APBA1: variants seen among roughly 807,000 people sequenced by gnomAD.
APBA1 encodes the protein amyloid beta precursor protein binding family A member 1.
In APBA1, 55 loss-of-function variants were observed where a neutral mutation model predicts 86.6. The ratio of observed to expected loss-of-function variants is 0.64; its 90% CI spans 0.51 to 0.80. APBA1 has a LOEUF of 0.80. APBA1 is among the 30% of genes least tolerant of loss of function. APBA1 has a pLI of 0.00. For missense variants in APBA1, 1,090 were observed against 1,183.0 expected (o/e 0.92, Z 1.15); for synonymous variants, 511 against 493.9 (o/e 1.03, Z -0.46).
At chr9:69,556,550 C>T (rs1487514645) in intron 1 of APBA1, among the ~76,000 whole-genome samples, 1 of 152,144 alleles carries the variant, frequency 6.6e-6, no homozygotes, top group African/African-American at 2.4e-5. Context: ...TGCCAAGGGA[C>T]CAATAGTTAG....
At chr9:69,521,481 TGAGCAAGCCAGAG>T (rs1235532216) in intron 1 of APBA1, among the ~76,000 whole-genome samples, 1 of 152,166 alleles carries the variant, frequency 6.6e-6, no homozygotes, top group African/African-American at 2.4e-5. Flanking sequence ...GGCAGAACAG[TGAGCAAGCCAGAG>T]GAGGCTTCCC....
At position 69,458,199 on chromosome 9, in the gene APBA1, T is replaced by C. The variant is rs746029274; in HGVS notation, c.1483-11A>G. ...TAATTTCTGGGCCATCTGCTTAGCA[T>C]GGAACAAACAGAGACAGGAGAATAG... On this transcript the variant is annotated splice_polypyrimidine_tract_variant and intron_variant, in intron 5 of 12. Transcript: ENST00000265381. The C allele has an allele frequency of 9.3e-6, 15 of 1,608,918 alleles. No homozygotes were observed. In the East Asian group the frequency reaches 3.1e-4, roughly 34 times the overall value.
intron 5 of APBA1, chr9:69,462,750 G>T (rs759920359): frequency 6.6e-6 from 1 of 152,220 alleles, no homozygotes; most frequent in Non-Finnish European, 1.5e-5. Context: ...GAGGAAAGAT[G>T]CTTCACACAC....
chr9:69,658,274 T>C (rs796840903), intron 1 of APBA1, among the ~76,000 whole-genome samples: 3,670 of 67,872 alleles, frequency 0.054, 186 homozygotes, highest in South Asian at 0.093. Context: ...CTTTCTTTCT[T>C]TCTTTCTTTC....
chr9:69,591,798 A>T (rs960168751), intron 1 of APBA1, among the ~76,000 whole-genome samples: 3 of 152,244 alleles, frequency 2.0e-5, no homozygotes, highest in Non-Finnish European at 4.4e-5. Context: ...CTTGAGAGAG[A>T]AATGCTTTTG....
chr9:69,450,814 C>T (rs1834994534), intron 9 of APBA1, among the ~76,000 whole-genome samples: 1 of 151,354 alleles, frequency 6.6e-6, no homozygotes, highest in South Asian at 2.1e-4. Context: ...GGTTGTCTGT[C>T]ATGGGTATCA....
chr9:69,594,311 C>T lies in APBA1; in HGVS notation c.-69-77032G>A, dbSNP rs549779971. Among the ~76,000 whole-genome samples the T allele has an allele frequency of 3.3e-5, 5 of 152,260 alleles. No homozygotes were observed. In the South Asian group the frequency reaches 6.2e-4, roughly 19 times the overall value. Reference sequence around the variant, plus strand: ...TGGGGCCCAAGAGTCTGCCAAGTGTCGCTGATGCTGCTGTTCTGCACAGCT... The same window carrying T: ...TGGGGCCCAAGAGTCTGCCAAGTGTTGCTGATGCTGCTGTTCTGCACAGCT... On this transcript the variant is annotated intron_variant, in intron 1 of 12. Coordinates refer to ENST00000265381, the MANE Select transcript of APBA1 (RefSeq NM_001163.4).
intron 1 of APBA1, among the ~76,000 whole-genome samples, chr9:69,533,754 C>T (rs1377382858): frequency 3.9e-5 from 6 of 152,174 alleles, no homozygotes; most frequent in African/African-American, 1.4e-4. Flanking sequence ...ACTATCAGTT[C>T]ACTGATGGAT....
At chr9:69,442,614 G>C (rs1213506433) in intron 10 of APBA1, among the ~76,000 whole-genome samples, 1 of 152,240 alleles carries the variant, frequency 6.6e-6, no homozygotes, top group African/African-American at 2.4e-5. Flanking sequence ...TCACAAGTGA[G>C]TGGGTCCAGT....
intron 1 of APBA1, among the ~76,000 whole-genome samples, chr9:69,565,184 C>T (rs1267743227): frequency 6.6e-6 from 1 of 152,052 alleles, no homozygotes; most frequent in Non-Finnish European, 1.5e-5. Flanking sequence ...ATGTGAAGTG[C>T]TGTCAGGTAG....
At chr9:69,564,181 G>T (rs113499726) in intron 1 of APBA1, among the ~76,000 whole-genome samples, 13 of 152,280 alleles carry the variant, frequency 8.5e-5, no homozygotes, top group African/African-American at 2.9e-4. Context: ...ATACCCAAAT[G>T]CAGTTAATCT....
chr9:69,594,318 G>A (rs1321231575), intron 1 of APBA1, among the ~76,000 whole-genome samples: 1 of 152,180 alleles, frequency 6.6e-6, no homozygotes, highest in African/African-American at 2.4e-5. Flanking sequence ...TGTCGCTGAT[G>A]CTGCTGTTCT....
chr9:69,668,462 T>C (rs1823883905), intron 1 of APBA1, among the ~76,000 whole-genome samples: 2 of 152,178 alleles, frequency 1.3e-5, no homozygotes, highest in African/African-American at 2.4e-5. Flanking sequence ...CCTCTTTCCA[T>C]CTTTCCCCTA....
chr9:69,641,327 G>GC (rs1196671771), intron 1 of APBA1, among the ~76,000 whole-genome samples: 2 of 152,104 alleles, frequency 1.3e-5, no homozygotes, highest in East Asian at 3.9e-4. Flanking sequence ...CATCAATTAT[G>GC]CCCCAAATGA....
chr9:69,631,051 A>G (rs1011835386), intron 1 of APBA1, among the ~76,000 whole-genome samples: 1 of 152,172 alleles, frequency 6.6e-6, no homozygotes, highest in Admixed American at 6.5e-5. Flanking sequence ...GCCTTGCAAG[A>G]CTATTATTAA....
intron 1 of APBA1, among the ~76,000 whole-genome samples, chr9:69,524,831 C>G (rs1836317183): frequency 6.6e-6 from 1 of 152,104 alleles, no homozygotes; most frequent in Non-Finnish European, 1.5e-5. Context: ...CACAAAAATC[C>G]TCAACCAAAT....
chr9:69,510,305 T>G (rs201194668), intron 2 of APBA1, among the ~76,000 whole-genome samples: 102 of 141,506 alleles, frequency 7.2e-4, no homozygotes, highest in South Asian at 1.8e-3. Flanking sequence ...AAATCATAAG[T>G]GAACTCCCAT....
intron 1 of APBA1, among the ~76,000 whole-genome samples, chr9:69,563,733 G>A (rs1203843723): frequency 6.6e-6 from 1 of 151,960 alleles, no homozygotes; most frequent in Non-Finnish European, 1.5e-5. Context: ...TGGCTCAACT[G>A]TTTTGCACTT....
At chr9:69,633,925 A>G (rs1823101001) in intron 1 of APBA1, among the ~76,000 whole-genome samples, 1 of 152,208 alleles carries the variant, frequency 6.6e-6, no homozygotes, top group Non-Finnish European at 1.5e-5. Context: ...TTGCATCTTT[A>G]GGTCAAACTC....
Sources: gnomAD v4.1 joint callset for allele counts (sites outside exome capture counted in the v4.1 genomes callset) on GRCh38, gnomAD v4.1.1 for gene constraint, MANE v1.5 for transcripts, NCBI Gene and HGNC (gene_info 2026-07-23, HGNC 2026-07-21) for gene names.